The following DGKI variants were observed in gnomAD, a reference collection of about 807,000 sequenced individuals.
The protein encoded by DGKI is DAG kinase iota.
Under a neutral mutation model 147.5 loss-of-function variants are expected in DGKI, and 55 were observed. The observed-to-expected ratio is 0.37, with a 90% CI of 0.30 to 0.47. The LOEUF (loss-of-function observed/expected upper bound fraction) is 0.47, where lower values mean the gene tolerates loss of function less well. DGKI is among the 20% of genes least tolerant of loss of function. The pLI, the probability that DGKI is intolerant of heterozygous loss-of-function variation, is 1.00. For missense variants in DGKI, 1,007 were observed against 1,323.8 expected, an observed-to-expected ratio of 0.76 and a Z score of 3.71; for synonymous variants, 469 against 477.1, an observed-to-expected ratio of 0.98 and a Z score of 0.22.
chr7:137,560,706 A>T (rs1818391508), intron 19 of DGKI, among the ~76,000 whole-genome samples: 1 of 152,216 alleles, frequency 6.6e-6, no homozygotes. Context: ...AGAGAATGAA[A>T]GTCAGAGAGG....
intron 6 of DGKI, among the ~76,000 whole-genome samples, chr7:137,642,945 T>TGTGTGC (rs1485954421): frequency 6.7e-6 from 1 of 149,682 alleles, no homozygotes; most frequent in Non-Finnish European, 1.5e-5. Context: ...TGTGTGTGTG[T>TGTGTGC]GTGTGTGTGT....
intron 1 of DGKI, among the ~76,000 whole-genome samples, chr7:137,755,764 A>C (rs1795658780): frequency 6.6e-6 from 1 of 152,114 alleles, no homozygotes; most frequent in African/African-American, 2.4e-5. Context: ...GGCTAAACAA[A>C]CTGTAGGAGG....
In DGKI at chr7:137,384,513, A is replaced by G. The variant is rs1811131175; in HGVS notation, c.*6707T>C. On this transcript the variant is annotated 3_prime_UTR_variant, in exon 33 of 33. Coordinates refer to ENST00000614521, the MANE Select transcript of DGKI (RefSeq NM_001321708.2). The stretch of plus-strand genomic sequence containing the variant: ...TACTTAGAAAACATGTTAATATGTA[A>G]TTTCTAAAGACCCAGTTCTGGCTGC... 6.6e-6 allele frequency: 1 copy of G among 152,000 alleles called. No individual in the cohort carries two copies. The highest frequency in any genetic ancestry group is 6.6e-5 in the Admixed American group (1 of 15,224). 9.4% of individuals were successfully genotyped at this position (152,000 alleles called of 1,614,324 possible).
rs1811110187 is a variant in DGKI at position 137,383,628 on chromosome 7, A to C, written c.*7592T>G. ...TCTTCACTTAACTACTAGAAGAAAC[A>C]GTGATAACAACTTCACTGTTTTTCA... On this transcript the variant is annotated 3_prime_UTR_variant, in exon 33 of 33. Coordinates refer to ENST00000614521, the MANE Select transcript of DGKI (RefSeq NM_001321708.2). 1 of 152,014 alleles carries C rather than the reference A, an allele frequency of 6.6e-6. No homozygotes were observed. Among genetic ancestry groups the C allele is most frequent in the Admixed American group, 6.6e-5 (1 of 15,224 alleles). 9.4% of individuals were successfully genotyped at this position (152,014 alleles called of 1,614,324 possible).
chr7:137,548,662 T>C (rs1817945191), intron 20 of DGKI, among the ~76,000 whole-genome samples: 3 of 152,188 alleles, frequency 2.0e-5, no homozygotes, highest in Non-Finnish European at 4.4e-5. Context: ...ATAAAACTCT[T>C]TTCTTTATAA....
At chr7:137,545,482 A>AACAC (rs56767309) in intron 20 of DGKI, among the ~76,000 whole-genome samples, 14 of 151,874 alleles carry the variant, frequency 9.2e-5, no homozygotes, top group Non-Finnish European at 1.9e-4. Flanking sequence ...CCAAAACAGA[A>AACAC]ACACACACAC....
intron 17 of DGKI, 144 bp from the exon 18 acceptor site, chr7:137,572,982 T>C: frequency 3.5e-6 from 2 of 574,504 alleles, no homozygotes; most frequent in East Asian, 2.9e-5. Flanking sequence ...GTCACAGTGA[T>C]TAAAAATATA....
chr7:137,500,730 T>A (rs1816142548), intron 21 of DGKI, among the ~76,000 whole-genome samples: 1 of 151,786 alleles, frequency 6.6e-6, no homozygotes, highest in South Asian at 2.1e-4. Flanking sequence ...GTTTCTTAAG[T>A]TAATTTTTTA....
chr7:137,438,113 A>G (rs920212399), intron 28 of DGKI, among the ~76,000 whole-genome samples: 2 of 152,156 alleles, frequency 1.3e-5, no homozygotes, highest in Non-Finnish European at 2.9e-5. Context: ...TATTCATCAG[A>G]TGACATCAAA....
rs1350929513 is a variant in DGKI, at chr7:137,388,699, A to T, written c.*2521T>A. The T allele has an allele frequency of 6.6e-6, 1 of 152,094 alleles. No homozygotes were observed. The highest frequency in any genetic ancestry group is 6.6e-5 in the Admixed American group (1 of 15,258). The allele number at this position is 152,094 out of a possible 1,614,324, so 9.4% of individuals were successfully genotyped here. A position where few individuals can be genotyped will look rare whatever the true frequency, so the allele number is the denominator to read the frequency against. ...TGTTGAAGCCATTAAACATGTGGTT[A>T]TTCTGCTCACTTTATTTTGGAAATC... On this transcript the variant is annotated 3_prime_UTR_variant, in exon 33 of 33. Coordinates refer to ENST00000614521, the MANE Select transcript of DGKI (RefSeq NM_001321708.2).
At chr7:137,580,126 C>T (rs1819138018) in intron 15 of DGKI, among the ~76,000 whole-genome samples, 1 of 152,000 alleles carries the variant, frequency 6.6e-6, no homozygotes, top group Non-Finnish European at 1.5e-5. Context: ...CATTGTTGGC[C>T]ACTTATTCAT....
intron 14 of DGKI, among the ~76,000 whole-genome samples, chr7:137,582,993 T>C (rs992654878): frequency 1.3e-5 from 2 of 152,176 alleles, no homozygotes; most frequent in East Asian, 3.8e-4. Flanking sequence ...ATTTCAAAAG[T>C]ATGTTTTTTA....
At chr7:137,607,629 A>G (rs184697130) in intron 10 of DGKI, among the ~76,000 whole-genome samples, 16 of 152,338 alleles carry the variant, frequency 1.1e-4, no homozygotes, top group Admixed American at 2.6e-4. Flanking sequence ...TGTGGTGCTC[A>G]GGTGGCCAAA....
intron 20 of DGKI, among the ~76,000 whole-genome samples, chr7:137,534,997 A>G (rs1442923681): frequency 6.6e-6 from 1 of 152,154 alleles, no homozygotes; most frequent in Admixed American, 6.6e-5. Flanking sequence ...AGAAGACAGC[A>G]TCTACAAGAC....
At chr7:137,700,018 T>C (rs1823921695) in intron 1 of DGKI, among the ~76,000 whole-genome samples, 1 of 152,196 alleles carries the variant, frequency 6.6e-6, no homozygotes, top group Non-Finnish European at 1.5e-5. Context: ...TAAGCTGTAA[T>C]TCAGAGTGCC....
At chr7:137,517,648 C>A (rs926195425) in intron 21 of DGKI, among the ~76,000 whole-genome samples, 1 of 152,052 alleles carries the variant, frequency 6.6e-6, no homozygotes, top group Admixed American at 6.6e-5. Context: ...CACAGGAATG[C>A]CCTGTATTAC....
chr7:137,531,982 T>C (rs1053513721), intron 20 of DGKI, among the ~76,000 whole-genome samples: 4 of 151,208 alleles, frequency 2.6e-5, no homozygotes, highest in Non-Finnish European at 5.9e-5. Flanking sequence ...TTAACCAAAA[T>C]AGACTACACA....
rs1285629707 is a variant in DGKI at position 137,381,631 on chromosome 7, ATTCC to A, written c.*9585_*9588del. 2.0e-5 allele frequency: 3 copies of A among 151,922 alleles called. No individual in the cohort carries two copies. Among genetic ancestry groups the A allele is most frequent in the Non-Finnish European group, 4.4e-5 (3 of 67,966 alleles). 9.4% of individuals were successfully genotyped at this position (151,922 alleles called of 1,614,324 possible). The stretch of plus-strand genomic sequence containing the variant: ...TCTTTTAGAACTGAGATTGTCCTCT[ATTCC>A]TTAGTTTTTCACAAGAATGGTTTTC... On this transcript the variant is annotated 3_prime_UTR_variant, in exon 33 of 33. Coordinates refer to ENST00000614521, the MANE Select transcript of DGKI (RefSeq NM_001321708.2).
chr7:137,763,041 C>T (rs1420054323), intron 1 of DGKI, among the ~76,000 whole-genome samples: 6 of 152,184 alleles, frequency 3.9e-5, no homozygotes, highest in Non-Finnish European at 8.8e-5. Flanking sequence ...TCTTTATTCT[C>T]ATCTAAATTG....
Sources: allele counts gnomAD v4.1 joint callset (sites outside exome capture counted in the v4.1 genomes callset), GRCh38; gene constraint gnomAD v4.1.1; transcripts MANE v1.5; gene names NCBI Gene and HGNC (gene_info 2026-07-23, HGNC 2026-07-21).